MSRA: variants seen among roughly 807,000 people sequenced by gnomAD.
MSRA encodes the protein mitochondrial peptide methionine sulfoxide reductase.
Under a neutral mutation model 31.3 loss-of-function variants are expected in MSRA, and 54 were observed. The ratio of observed to expected loss-of-function variants is 1.73; its 90% CI spans 1.39 to 2.17. The LOEUF is 2.17. Among genes scored for constraint, MSRA ranks in the 30% most tolerant of loss-of-function variants. The pLI is 0.00. For missense variants in MSRA, 507 were observed against 300.9 expected (o/e 1.69, Z -5.07); for synonymous variants, 169 against 116.5 (o/e 1.45, Z -2.90).
intron 1 of MSRA, among the ~76,000 whole-genome samples, chr8:10,139,235 A>C (rs1359884309): frequency 1.3e-5 from 2 of 152,240 alleles, no homozygotes; most frequent in Non-Finnish European, 2.9e-5. Context: ...TTGCTAATCT[A>C]TTTTAAGAAC....
rs200401773 is a variant in MSRA, at chr8:10,127,173, A to AT, written c.142+72524dup. On this transcript the variant is annotated intron_variant, in intron 1 of 5. Transcript: ENST00000317173. The stretch of plus-strand genomic sequence containing the variant: ...AGGATATCTGTTGAGATTGCCTAGA[A>AT]TTTTTTTTTCTTTACTCTTCAAGTT... 8.4e-4 allele frequency among the ~76,000 whole-genome samples: 127 copies of AT among 151,820 alleles called. 8 individuals are homozygous for AT. The East Asian group carries it at 0.024, about 29-fold the overall frequency.
At chr8:10,150,019 A>T (rs1234830189) in intron 1 of MSRA, among the ~76,000 whole-genome samples, 2 of 141,304 alleles carry the variant, frequency 1.4e-5, no homozygotes, top group Admixed American at 1.5e-4. Flanking sequence ...TTACACTGGG[A>T]TTGCAGTTGC....
At chr8:10,117,605 A>G (rs1025375609) in intron 1 of MSRA, among the ~76,000 whole-genome samples, 1 of 152,234 alleles carries the variant, frequency 6.6e-6, no homozygotes, top group Non-Finnish European at 1.5e-5. Flanking sequence ...TATCTTTTAT[A>G]TATAGATATA....
At chr8:10,082,819 T>C (rs1166693598) in intron 1 of MSRA, among the ~76,000 whole-genome samples, 1 of 152,216 alleles carries the variant, frequency 6.6e-6, no homozygotes, top group Non-Finnish European at 1.5e-5. Context: ...CTGTGTTCAC[T>C]CTATCACCTT....
intron 3 of MSRA, among the ~76,000 whole-genome samples, chr8:10,300,373 A>G (rs1473023330): frequency 1.3e-5 from 2 of 151,912 alleles, no homozygotes; most frequent in Admixed American, 6.6e-5. Flanking sequence ...CTCCTGCCTC[A>G]GCGTCCCGAG....
chr8:10,360,865 A>T (rs1271274663), intron 5 of MSRA, among the ~76,000 whole-genome samples: 1 of 152,062 alleles, frequency 6.6e-6, no homozygotes, highest in African/African-American at 2.4e-5. Context: ...CTGGCTTTGG[A>T]GTTCATGCCT....
chr8:10,227,204 G>A (rs949580089), intron 2 of MSRA, among the ~76,000 whole-genome samples: 4 of 152,172 alleles, frequency 2.6e-5, no homozygotes, highest in South Asian at 2.1e-4. Context: ...GACGAGGCCC[G>A]TGGAGTTACC....
At chr8:10,334,701 A>G (rs1802916311) in intron 5 of MSRA, among the ~76,000 whole-genome samples, 1 of 152,224 alleles carries the variant, frequency 6.6e-6, no homozygotes, top group Non-Finnish European at 1.5e-5. Flanking sequence ...GGAGCACCTC[A>G]GGAGCGGAGA....
intron 1 of MSRA, among the ~76,000 whole-genome samples, chr8:10,198,366 T>C (rs1808180502): frequency 6.6e-6 from 1 of 152,144 alleles, no homozygotes; most frequent in Non-Finnish European, 1.5e-5. Flanking sequence ...ATATATATTA[T>C]TATTATTTCC....
At chr8:10,320,957 T>C (rs549647038) in intron 5 of MSRA, among the ~76,000 whole-genome samples, 84 of 152,358 alleles carry the variant, frequency 5.5e-4, no homozygotes, top group Non-Finnish European at 9.6e-4. Context: ...AGACCCGTTC[T>C]CCAAGGAAGG....
At chr8:10,243,871 T>C (rs573183180) in intron 2 of MSRA, among the ~76,000 whole-genome samples, 31 of 152,318 alleles carry the variant, frequency 2.0e-4, no homozygotes, top group Non-Finnish European at 2.8e-4. Flanking sequence ...CAAAATAATT[T>C]TTTACTGCAT....
At chr8:10,220,391 C>T (rs1295346662) in intron 2 of MSRA, among the ~76,000 whole-genome samples, 1 of 152,140 alleles carries the variant, frequency 6.6e-6, no homozygotes, top group Admixed American at 6.5e-5. Context: ...AGTGATACAT[C>T]ATGGTAGACA....
At chr8:10,346,779 G>C (rs996926844) in intron 5 of MSRA, among the ~76,000 whole-genome samples, 1 of 152,208 alleles carries the variant, frequency 6.6e-6, no homozygotes, top group Non-Finnish European at 1.5e-5. Context: ...TAGGGAAACT[G>C]TCAGGGAAAT....
chr8:10,145,807 T>C (rs28716276), intron 1 of MSRA, among the ~76,000 whole-genome samples: 9,010 of 152,202 alleles, frequency 0.059, 442 homozygotes, highest in African/African-American at 0.13. Flanking sequence ...CACACAGATG[T>C]ACATACACCC....
intron 1 of MSRA, among the ~76,000 whole-genome samples, chr8:10,089,706 G>T (rs978926708): frequency 3.3e-5 from 5 of 152,220 alleles, no homozygotes; most frequent in Admixed American, 1.3e-4. Context: ...GGCCTCCGGT[G>T]AGGACCTTTG....
At chr8:10,141,593 C>G (rs1286403071) in intron 1 of MSRA, among the ~76,000 whole-genome samples, 2 of 152,206 alleles carry the variant, frequency 1.3e-5, no homozygotes, top group African/African-American at 2.4e-5. Flanking sequence ...TCCCAGCCTT[C>G]TGGCTTCTGC....
intron 3 of MSRA, among the ~76,000 whole-genome samples, chr8:10,288,690 T>C (rs1178479844): frequency 6.6e-6 from 1 of 152,176 alleles, no homozygotes; most frequent in African/African-American, 2.4e-5. Flanking sequence ...TTAAAAAAAA[T>C]TTAGACTAAA....
chr8:10,358,399 A>G (rs904772090), intron 5 of MSRA, among the ~76,000 whole-genome samples: 8 of 151,948 alleles, frequency 5.3e-5, no homozygotes, highest in South Asian at 2.1e-4. Flanking sequence ...TTTCCCCCCA[A>G]TTTTTGTGGC....
intron 2 of MSRA, among the ~76,000 whole-genome samples, chr8:10,210,773 G>A (rs1809407377): frequency 6.8e-6 from 1 of 147,092 alleles, no homozygotes; most frequent in Non-Finnish European, 1.5e-5. Context: ...TTACTCTGTT[G>A]CCCATGCTGG....
Sources: gnomAD v4.1 joint callset for allele counts (sites outside exome capture counted in the v4.1 genomes callset) on GRCh38, gnomAD v4.1.1 for gene constraint, MANE v1.5 for transcripts, NCBI Gene and HGNC (gene_info 2026-07-23, HGNC 2026-07-21) for gene names.